Variants in GUSB observed in about 807,000 individuals in gnomAD.
GUSB encodes the protein beta-glucuronidase.
Under a neutral mutation model 74.6 loss-of-function variants are expected in GUSB, and 51 were observed. That is an observed-to-expected ratio of 0.68 (90% confidence interval 0.55 to 0.86). The LOEUF (loss-of-function observed/expected upper bound fraction) is 0.86. GUSB is among the 40% of genes least tolerant of loss of function. The probability of loss-of-function intolerance (pLI) is 0.00; values close to 1 mark genes in which losing one functional copy is unlikely to be tolerated. For missense variants in GUSB, 736 were observed against 853.7 expected (o/e 0.86, Z 1.72); for synonymous variants, 360 against 348.3 (o/e 1.03, Z -0.37).
At chr7:65,977,123 C>T (rs1791635889) in intron 4 of GUSB, among the ~76,000 whole-genome samples, 1 of 152,098 alleles carries the variant, frequency 6.6e-6, no homozygotes, top group African/African-American at 2.4e-5. Context: ...CTGTCTCATC[C>T]TTACGAGCAG....
At chr7:65,968,244 A>C (rs1267013878) in intron 9 of GUSB, among the ~76,000 whole-genome samples, 3 of 151,644 alleles carry the variant, frequency 2.0e-5, no homozygotes, top group Admixed American at 6.6e-5. Context: ...AAAAAAAAAA[A>C]AAAAAAACCT....
intron 4 of GUSB, among the ~76,000 whole-genome samples, chr7:65,976,466 T>C (rs1022212407): frequency 5.5e-4 from 84 of 151,848 alleles, no homozygotes; most frequent in African/African-American, 2.0e-3. Flanking sequence ...CCTGGGATTA[T>C]AGACGTGCAC....
chr7:65,974,823 T>C (rs1416158367), intron 6 of GUSB, 96 bp downstream of exon 6: 9 of 1,557,340 alleles, frequency 5.8e-6, no homozygotes, highest in African/African-American at 1.4e-5. Context: ...ATTTGCCTCA[T>C]TGCCCTGAGC....
chr7:65,980,087 C>CAGCCCCCAGGGCAG, intron 2 of GUSB, 137 bp downstream of exon 2: 1 of 1,007,684 alleles, frequency 9.9e-7, no homozygotes, highest in Non-Finnish European at 1.5e-6. Context: ...ATACAGGGCA[C>CAGCCCCCAGGGCAG]AGCCCCCAGG....
At position 65,982,119 on chromosome 7, in the gene GUSB, C is replaced by T. The variant is rs1449038322; in HGVS notation, c.65G>A (p.Gly22Glu). The change falls in exon 1 of 12, where the codon GGG becomes GAG. Residue 22 changes from glycine to glutamate, a missense_variant. By Grantham distance (98) the Gly-to-Glu change is moderately conservative. Around this residue, in one of 2 missense-constraint regions of GUSB, gnomAD observed 368 missense variants for 363.8 expected, o/e 1.01. Transcript: ENST00000304895. The part of the protein sequence containing the change: ...LGPLLWGCAL[G>E]LQGGMLYPQE... ...GGGGTACAGCATCCCGCCCTGCAGCCCCAGCGCGCAGCCCCACAACAACGG... is the reference window on the plus strand; with the variant it reads ...GGGGTACAGCATCCCGCCCTGCAGCTCCAGCGCGCAGCCCCACAACAACGG... 1 of 1,576,918 alleles carries T rather than the reference C, an allele frequency of 6.3e-7. No individual in the cohort carries two copies. The highest frequency in any genetic ancestry group is 8.6e-7 in the Non-Finnish European group (1 of 1,162,554).
rs913766105 is a variant in GUSB, at chr7:65,982,166, C to G, written c.18G>C (p.Ala6=). Residue 6 remains alanine, a synonymous_variant, in exon 1 of 12, where the codon GCG becomes GCC. Transcript: ENST00000304895. MARGS[A]VAWAALGPLL... is the part of the protein sequence containing the mutation. ...ACGGCCCGAGCGCCGCCCAGGCAAC[C>G]GCCGACCCCCGGGCCATGCTTCCCG... 4.6e-6 allele frequency: 7 copies of G among 1,516,172 alleles called. No homozygotes were observed. In the African/African-American group the frequency reaches 7.1e-5, roughly 15 times the overall value. 93.9% of individuals were successfully genotyped at this position (1,516,172 alleles called of 1,614,324 possible). A position where few individuals can be genotyped will look rare whatever the true frequency, so the allele number is the denominator to read the frequency against.
chr7:65,965,300 G>A (rs1489584766), intron 10 of GUSB, among the ~76,000 whole-genome samples: 4 of 151,174 alleles, frequency 2.6e-5, no homozygotes, highest in Admixed American at 6.6e-5. Flanking sequence ...AAGCTACTTG[G>A]GGCTAAGGAG....
rs751025746 is a variant in GUSB at position 65,974,526 on chromosome 7, G to A, written c.1244C>T (p.Pro415Leu). The A allele has an allele frequency of 2.9e-5, 47 of 1,614,020 alleles. No individual in the cohort carries two copies. Among genetic ancestry groups the A allele is most frequent in the Admixed American group, 1.5e-4 (9 of 60,006 alleles). The change falls in exon 7 of 12, where the codon CCG becomes CTG. Residue 415 changes from proline (P) to leucine (L), a missense_variant and splice_region_variant. Transcript: ENST00000304895. The part of the protein sequence containing the change: ...DECPGVGLAL[P>L]QFFNNVSLHH... Reference sequence around the variant, plus strand: ...GAGCAGGTGCACAGCAGAGACTCACGGCAGCGCCAGGCCCACGCCGGGACA... The same window carrying A: ...GAGCAGGTGCACAGCAGAGACTCACAGCAGCGCCAGGCCCACGCCGGGACA...
At chr7:65,968,969 C>T (rs990726556) in intron 9 of GUSB, among the ~76,000 whole-genome samples, 3 of 152,166 alleles carry the variant, frequency 2.0e-5, no homozygotes, top group African/African-American at 7.2e-5. Flanking sequence ...AGGAGCAGGG[C>T]GGTGACGACC....
intron 11 of GUSB, among the ~76,000 whole-genome samples, 190 bp from the exon 12 acceptor site, chr7:65,961,253 ATCC>A (rs1192096619): frequency 3.3e-5 from 5 of 151,906 alleles, no homozygotes; most frequent in Non-Finnish European, 1.5e-5. Context: ...GGCTCAGGCA[ATCC>A]TCCTGCCTCA....
Position 65,979,478 on chromosome 7 carries a change from C to G in GUSB, c.645G>C (p.Gln215His). The G allele has an allele frequency of 6.2e-7, 1 of 1,614,022 alleles. No individual in the cohort carries two copies. Among genetic ancestry groups the G allele is most frequent in the Non-Finnish European group, 8.5e-7 (1 of 1,179,874 alleles). The change falls in exon 4 of 12, where the codon CAG becomes CAC. Residue 215 changes from glutamine (Q) to histidine (H), a missense_variant. By Grantham distance (24) the Gln-to-His change is conservative. Transcript: ENST00000304895. ...GTGTCGTGTACAGAAGTACAGACCGCTGCAGTCCAGCGTAGTTGAAAAAGT... is the reference window on the plus strand; with the variant it reads ...GTGTCGTGTACAGAAGTACAGACCGGTGCAGTCCAGCGTAGTTGAAAAAGT... ...YFDFFNYAGLQRSVLLYTTPT... is the reference protein window; with the variant it reads ...YFDFFNYAGLHRSVLLYTTPT...
chr7:65,974,679 G>C lies in GUSB; in HGVS notation c.1091C>G (p.Pro364Arg), dbSNP rs771629102. ...ADIRGKGFDW[P>R]LLVKDFNLLR... The stretch of plus-strand genomic sequence containing the variant: ...CAGGTTGAAGTCCTTCACCAGCAGC[G>C]GCCAGTCGAAGCCCTTCCCTCGGAT... The change falls in exon 7 of 12, where the codon CCG becomes CGG. Residue 364 changes from proline to arginine, a missense_variant. Coordinates refer to ENST00000304895, the MANE Select transcript of GUSB (RefSeq NM_000181.4). 1 of 1,613,378 alleles carries C rather than the reference G, an allele frequency of 6.2e-7. No homozygotes were observed. Among genetic ancestry groups the C allele is most frequent in the South Asian group, 1.1e-5 (1 of 91,050 alleles).
Position 65,961,003 on chromosome 7 carries a change from C to G in GUSB, c.1850G>C (p.Ser617Thr), listed in dbSNP as rs775873162. The G allele has an allele frequency of 5.6e-6, 9 of 1,613,196 alleles. No individual in the cohort carries two copies. Among genetic ancestry groups the G allele is most frequent in the Non-Finnish European group, 2.5e-6 (3 of 1,179,868 alleles). ...GIFTRQRQPK[S>T]AAFLLRERYW... is the part of the protein sequence containing the mutation. ...TCTCTCTCGCAAAAGGAACGCTGCA[C>G]TTTTTGGTTGTCTCTGCCGAGTGAA... Residue 617 changes from serine (S) to threonine (T), a missense_variant, in exon 12 of 12, where the codon AGT becomes ACT. This residue lies in a region of GUSB where 368 missense variants were observed against 489.9 expected (regional missense o/e 0.75). Coordinates refer to ENST00000304895, the MANE Select transcript of GUSB (RefSeq NM_000181.4).
chr7:65,961,828 C>T (rs188867339), intron 11 of GUSB, among the ~76,000 whole-genome samples: 46 of 152,208 alleles, frequency 3.0e-4, no homozygotes, highest in Non-Finnish European at 3.2e-4. Context: ...ATGGTGAAAC[C>T]TCATCTCTAC....
chr7:65,961,182 CCT>C (rs1272808250), intron 11 of GUSB, 119 bp from the exon 12 acceptor site: 44 of 1,016,812 alleles, frequency 4.3e-5, no homozygotes, highest in Non-Finnish European at 6.3e-5. Flanking sequence ...CTTTTTTCTC[CCT>C]GTTGCCCAGG....
intron 5 of GUSB, chr7:65,975,420 T>A: frequency 2.8e-6 from 1 of 354,336 alleles, no homozygotes; most frequent in Non-Finnish European, 5.5e-6. Context: ...AGTCTCAGTC[T>A]GTCCCCCAGG....
At chr7:65,968,449 C>A (rs1790986459) in intron 9 of GUSB, among the ~76,000 whole-genome samples, 2 of 152,154 alleles carry the variant, frequency 1.3e-5, no homozygotes, top group African/African-American at 2.4e-5. Flanking sequence ...CAACGCACAG[C>A]CCTCAGCCAA....
At chr7:65,975,280 C>T (rs995633837) in intron 5 of GUSB, 11 of 591,576 alleles carry the variant, frequency 1.9e-5, no homozygotes, top group African/African-American at 1.7e-4. Context: ...GACAAGGTGG[C>T]TCATGCCTGG....
chr7:65,978,809 C>T (rs1388057210), intron 4 of GUSB, among the ~76,000 whole-genome samples: 3 of 152,004 alleles, frequency 2.0e-5, no homozygotes, highest in African/African-American at 7.2e-5. Context: ...ACAGGGTCTG[C>T]GTCTGTTGCC....
Sources: gnomAD v4.1 joint callset for allele counts (sites outside exome capture counted in the v4.1 genomes callset) on GRCh38, gnomAD v4.1.1 for gene constraint, gnomAD v4.1.1 regional missense constraint, MANE v1.5 for transcripts, NCBI Gene and HGNC (gene_info 2026-07-23, HGNC 2026-07-21) for gene names.